The following TSR2 variants were observed in gnomAD, a reference collection of about 807,000 sequenced individuals.
TSR2 encodes the protein pre-rRNA-processing protein TSR2 homolog.
In TSR2, 1 loss-of-function variant was observed where a neutral mutation model predicts 13.3. The observed-to-expected ratio is 0.08, with a 90% CI of 0.03 to 0.36. TSR2 has a LOEUF of 0.36. Ranked by LOEUF, TSR2 falls within the 10% of genes least tolerant of loss-of-function variation. TSR2 has a pLI of 0.99. For missense variants in TSR2, 120 were observed against 151.1 expected (o/e 0.79, Z 1.08); for synonymous variants, 60 against 57.7 (o/e 1.04, Z -0.18).
intron 2 of TSR2, 97 bp from the exon 3 acceptor site, chrX:54,443,303 C>A: frequency 1.7e-6 from 1 of 586,778 alleles, no homozygotes; most frequent in Non-Finnish European, 2.8e-6. Flanking sequence ...TTTACCCACC[C>A]AGTTGCAGAT....
intron 2 of TSR2, among the ~76,000 whole-genome samples, chrX:54,441,383 G>T (rs1242907841): frequency 8.9e-6 from 1 of 111,803 alleles, no homozygotes; most frequent in Non-Finnish European, 1.9e-5. Flanking sequence ...TAGAGGGCCT[G>T]TTGCATAGTA....
Position 54,444,690 on chromosome X carries a change from C to T in TSR2, c.*140C>T. The T allele has an allele frequency of 1.6e-6, 1 of 629,757 alleles. No individual in the cohort carries two copies. Among genetic ancestry groups the T allele is most frequent in the East Asian group, 3.8e-5 (1 of 26,616 alleles). 51.9% of individuals were successfully genotyped at this position (629,757 alleles called of 1,213,427 possible). ...CTCCCCTGTTCCTCTGTCTGGCTCC[C>T]TCCAGGGCAAGGAAAACCTAGGGTC... On this transcript the variant is annotated 3_prime_UTR_variant, in exon 5 of 5. Transcript: ENST00000375151.
At chrX:54,441,207 C>T (rs1478210942) in intron 2 of TSR2, among the ~76,000 whole-genome samples, 1 of 111,845 alleles carries the variant, frequency 8.9e-6, no homozygotes, top group Admixed American at 9.5e-5. Context: ...AGATATTTTA[C>T]ATTTTTTAGT....
In TSR2 at chrX:54,446,498, T is replaced by G; in HGVS notation, c.*1948T>G. 1.1e-6 allele frequency: 1 copy of G among 943,611 alleles called. No homozygotes were observed. Among genetic ancestry groups the G allele is most frequent in the East Asian group, 3.3e-5 (1 of 30,127 alleles). The allele number at this position is 943,611 out of a possible 1,213,427, so 77.8% of individuals were successfully genotyped here. On this transcript the variant is annotated 3_prime_UTR_variant, in exon 5 of 5. Coordinates refer to ENST00000375151, the MANE Select transcript of TSR2 (RefSeq NM_058163.3). The stretch of plus-strand genomic sequence containing the variant: ...AGCTTCTAACTGGTTTTGCATATGC[T>G]CTGTCTTCAGTCCCCTACTCAGGAA...
rs1345926404 is a variant in TSR2, at chrX:54,446,611, C to T, written c.*2061C>T. 9.0e-6 allele frequency among the ~76,000 whole-genome samples: 1 copy of T among 110,681 alleles called. No homozygotes were observed. The highest frequency in any genetic ancestry group is 1.9e-5 in the Non-Finnish European group (1 of 52,804). ...GCTAAAATGCAGGCTGGTTTAAATA[C>T]CTGTCTCCCCCCACCCCCGCCTCTT... On this transcript the variant is annotated 3_prime_UTR_variant, in exon 5 of 5. Transcript: ENST00000375151.
chrX:54,442,532 T>C (rs1027119403), intron 2 of TSR2, among the ~76,000 whole-genome samples: 2 of 111,052 alleles, frequency 1.8e-5, no homozygotes, highest in African/African-American at 6.6e-5. Flanking sequence ...GGATATTAAG[T>C]TTGAGTGGTA....
intron 2 of TSR2, among the ~76,000 whole-genome samples, chrX:54,442,724 A>T (rs1344070982): frequency 1.8e-5 from 2 of 112,107 alleles, no homozygotes; most frequent in Admixed American, 9.5e-5. Context: ...GTAGGATGTC[A>T]GTGTCAAGGC....
chrX:54,441,081 CAT>C (rs1364943871), intron 2 of TSR2, among the ~76,000 whole-genome samples: 2 of 111,742 alleles, frequency 1.8e-5, no homozygotes, highest in Admixed American at 9.5e-5. Flanking sequence ...ATGCTAGTCA[CAT>C]ATAATTTAAA....
chrX:54,441,212 T>C (rs1361517218), intron 2 of TSR2, among the ~76,000 whole-genome samples: 1 of 112,177 alleles, frequency 8.9e-6, no homozygotes, highest in Non-Finnish European at 1.9e-5. Context: ...TTTTACATTT[T>C]TTAGTATTAA....
chrX:54,447,195 GAT>G lies in TSR2; in HGVS notation c.*2647_*2648del, dbSNP rs1299947625. 4 of 827,187 alleles carry G rather than the reference GAT, an allele frequency of 4.8e-6. No homozygotes were observed. In the African/African-American group the frequency reaches 6.0e-5, roughly 12 times the overall value. 68.2% of individuals were successfully genotyped at this position (827,187 alleles called of 1,213,427 possible). A position where few individuals can be genotyped will look rare whatever the true frequency, so the allele number is the denominator to read the frequency against. On this transcript the variant is annotated 3_prime_UTR_variant, in exon 5 of 5. Transcript: ENST00000375151. ...GTTGGGGTTCTGATTTCCTCTTAGA[GAT>G]AGGCTCACCTTATCTTCCAAGGCTC...
intron 2 of TSR2, among the ~76,000 whole-genome samples, chrX:54,442,589 A>T (rs1471035846): frequency 9.0e-6 from 1 of 111,340 alleles, no homozygotes; most frequent in Non-Finnish European, 1.9e-5. Context: ...AAGCACATAG[A>T]GGGGAGAGGG....
In TSR2 at chrX:54,444,685, GCTCC is replaced by G; in HGVS notation, c.*140_*143del. 1.5e-6 allele frequency: 1 copy of G among 666,445 alleles called. No homozygotes were observed. Among genetic ancestry groups the G allele is most frequent in the Non-Finnish European group, 2.2e-6 (1 of 460,454 alleles). 54.9% of individuals were successfully genotyped at this position (666,445 alleles called of 1,213,427 possible). A position where few individuals can be genotyped will look rare whatever the true frequency, so the allele number is the denominator to read the frequency against. On this transcript the variant is annotated 3_prime_UTR_variant, in exon 5 of 5. Coordinates refer to ENST00000375151, the MANE Select transcript of TSR2 (RefSeq NM_058163.3). ...ACCCTCTCCCCTGTTCCTCTGTCTGGCTCCCTCCAGGGCAAGGAAAACCTAGGGT... is the reference window on the plus strand; with the variant it reads ...ACCCTCTCCCCTGTTCCTCTGTCTGGCTCCAGGGCAAGGAAAACCTAGGGT...
Position 54,447,330 on chromosome X carries a change from T to C in TSR2, c.*2780T>C. The C allele has an allele frequency of 8.3e-7, 1 of 1,212,003 alleles. No homozygotes were observed. The highest frequency in any genetic ancestry group is 1.1e-6 in the Non-Finnish European group (1 of 895,535). Reference sequence around the variant, plus strand: ...GCATACCTGAGGGGCTCCGTAGATATACAGCACCAAGGGTTCATTTTCAGG... The same window carrying C: ...GCATACCTGAGGGGCTCCGTAGATACACAGCACCAAGGGTTCATTTTCAGG... On this transcript the variant is annotated 3_prime_UTR_variant, in exon 5 of 5. Coordinates refer to ENST00000375151, the MANE Select transcript of TSR2 (RefSeq NM_058163.3).
Position 54,446,399 on chromosome X carries a change from G to A in TSR2, c.*1849G>A. 1.7e-6 allele frequency: 2 copies of A among 1,209,836 alleles called. No individual in the cohort carries two copies. The highest frequency in any genetic ancestry group is 2.2e-6 in the Non-Finnish European group (2 of 894,565). On this transcript the variant is annotated 3_prime_UTR_variant, in exon 5 of 5. Coordinates refer to ENST00000375151, the MANE Select transcript of TSR2 (RefSeq NM_058163.3). The stretch of plus-strand genomic sequence containing the variant: ...TCGAAGCCAATGAGGGGCAGGCTGC[G>A]CTGGGCTTTCACATCCTGGCGGGAG...
chrX:54,440,944 T>C (rs1353469185), intron 2 of TSR2, among the ~76,000 whole-genome samples, 164 bp downstream of exon 2: 1 of 111,424 alleles, frequency 9.0e-6, no homozygotes. Flanking sequence ...TTCCAGTGCT[T>C]TACGGGCTGT....
intron 2 of TSR2, among the ~76,000 whole-genome samples, chrX:54,441,990 G>A (rs1342604789): frequency 8.9e-6 from 1 of 111,973 alleles, no homozygotes; most frequent in Non-Finnish European, 1.9e-5. Flanking sequence ...GTAAGAATAA[G>A]AACCACTAAA....
In TSR2 at chrX:54,445,544, CCT is replaced by C. The variant is rs201353581; in HGVS notation, c.*995_*996del. Reference sequence around the variant, plus strand: ...AAACTGAGTATCCATTGTCCTCCCCCCTGTTTCCCTGTCCTGCCCGCTGGCCC... The same window carrying C: ...AAACTGAGTATCCATTGTCCTCCCCCGTTTCCCTGTCCTGCCCGCTGGCCC... On this transcript the variant is annotated 3_prime_UTR_variant, in exon 5 of 5. Coordinates refer to ENST00000375151, the MANE Select transcript of TSR2 (RefSeq NM_058163.3). The C allele has an allele frequency of 0.049, 5,528 of 112,592 alleles. 171 individuals carry two copies. Among genetic ancestry groups the C allele is most frequent in the South Asian group, 0.1 (278 of 2,681 alleles). The allele number at this position is 112,592 out of a possible 1,213,427, so 9.3% of individuals were successfully genotyped here.
intron 2 of TSR2, among the ~76,000 whole-genome samples, chrX:54,442,712 CAGT>C (rs1275058854): frequency 6.3e-5 from 7 of 111,739 alleles, no homozygotes; most frequent in African/African-American, 2.0e-4. Flanking sequence ...CAGAGTCACA[CAGT>C]AGGATGTCAG....
At chrX:54,444,309 G>A in intron 4 of TSR2, 107 bp from the exon 5 acceptor site, 1 of 1,147,756 alleles carries the variant, frequency 8.7e-7, no homozygotes, top group Non-Finnish European at 1.2e-6. Flanking sequence ...ATCCAGAGAG[G>A]GCAGGGAACT....
Sources: allele counts gnomAD v4.1 joint callset (sites outside exome capture counted in the v4.1 genomes callset), GRCh38; gene constraint gnomAD v4.1.1; transcripts MANE v1.5; gene names NCBI Gene and HGNC (gene_info 2026-07-23, HGNC 2026-07-21).